GRID2: variants seen among roughly 807,000 people sequenced by gnomAD.
The protein encoded by GRID2 is glutamate ionotropic receptor delta type subunit 2, also known as glutamate receptor ionotropic, delta-2.
GRID2 carries 33 observed loss-of-function variants against 114.8 expected under a neutral mutation model. The observed-to-expected ratio is 0.29, with a 90% CI of 0.22 to 0.38. The LOEUF (loss-of-function observed/expected upper bound fraction) is 0.38, where lower values mean the gene tolerates loss of function less well. GRID2 is among the 10% of genes least tolerant of loss of function. GRID2 has a pLI of 1.00. For missense variants in GRID2, 1,184 were observed against 1,257.7 expected (o/e 0.94, Z 0.89); for synonymous variants, 505 against 449.9 (o/e 1.12, Z -1.55).
intron 7 of GRID2, among the ~76,000 whole-genome samples, chr4:93,234,448 G>A (rs1269893255): frequency 1.3e-5 from 2 of 152,108 alleles, no homozygotes; most frequent in African/African-American, 4.8e-5. Context: ...GGTCCCCTAA[G>A]ATGGAGACAG....
At chr4:93,805,245 C>T (rs989218350) in intron 1 of GRID2, among the ~76,000 whole-genome samples, 7 of 152,146 alleles carry the variant, frequency 4.6e-5, no homozygotes, top group South Asian at 2.1e-4. Flanking sequence ...ATGTTAGGGA[C>T]GTATTGATTT....
chr4:93,583,614 CA>C (rs1336353866), intron 13 of GRID2, among the ~76,000 whole-genome samples: 1 of 152,064 alleles, frequency 6.6e-6, no homozygotes. Flanking sequence ...AACTGAAGTT[CA>C]AAAAGGCTCA....
At chr4:92,518,570 T>G (rs1724618543) in intron 1 of GRID2, among the ~76,000 whole-genome samples, 1 of 151,790 alleles carries the variant, frequency 6.6e-6, no homozygotes, top group Non-Finnish European at 1.5e-5. Context: ...GGAGGATTAT[T>G]TAATGGGTAT....
chr4:93,357,499 AT>A (rs1761457334), intron 8 of GRID2, among the ~76,000 whole-genome samples: 1 of 151,396 alleles, frequency 6.6e-6, no homozygotes, highest in African/African-American at 2.4e-5. Context: ...TTATCAAACT[AT>A]TAATTTTCCT....
chr4:92,344,724 A>G (rs988313541), intron 1 of GRID2, among the ~76,000 whole-genome samples: 3 of 152,174 alleles, frequency 2.0e-5, no homozygotes, highest in Admixed American at 1.3e-4. Flanking sequence ...GTAATTCCAC[A>G]TAGTGTATTG....
intron 1 of GRID2, among the ~76,000 whole-genome samples, chr4:92,331,487 T>C (rs936618893): frequency 6.6e-6 from 1 of 152,130 alleles, no homozygotes; most frequent in African/African-American, 2.4e-5. Flanking sequence ...TTTCTTTTAT[T>C]GAGGGTAAGC....
At chr4:93,552,559 A>C (rs942517413) in intron 13 of GRID2, among the ~76,000 whole-genome samples, 2 of 152,064 alleles carry the variant, frequency 1.3e-5, no homozygotes, top group African/African-American at 4.8e-5. Flanking sequence ...CTGACTTTTT[A>C]GTGGTCGCCA....
chr4:93,652,517 C>G (rs781709929), intron 14 of GRID2, among the ~76,000 whole-genome samples: 8 of 152,044 alleles, frequency 5.3e-5, no homozygotes, highest in Non-Finnish European at 8.8e-5. Context: ...TAGTAACATG[C>G]AGTACAGGTT....
chr4:93,033,844 G>A (rs752459927), intron 2 of GRID2, among the ~76,000 whole-genome samples: 3 of 152,090 alleles, frequency 2.0e-5, no homozygotes, highest in Non-Finnish European at 4.4e-5. Flanking sequence ...ATCTCAAGCA[G>A]GTCATTTATT....
chr4:93,430,121 A>G (rs555458934), intron 10 of GRID2, among the ~76,000 whole-genome samples: 24 of 152,238 alleles, frequency 1.6e-4, no homozygotes. Context: ...TAGTTCATCA[A>G]TGCATTAACA....
intron 2 of GRID2, among the ~76,000 whole-genome samples, chr4:92,628,476 A>T (rs1730632655): frequency 6.6e-6 from 1 of 152,028 alleles, no homozygotes; most frequent in Non-Finnish European, 1.5e-5. Flanking sequence ...CTCCTGCCTC[A>T]GCCTCCCGAG....
intron 8 of GRID2, among the ~76,000 whole-genome samples, chr4:93,366,699 A>G (rs1762369934): frequency 6.6e-6 from 1 of 152,018 alleles, no homozygotes; most frequent in Non-Finnish European, 1.5e-5. Flanking sequence ...GTGGGGCATC[A>G]TAGAACCTAC....
chr4:92,469,435 C>T (rs1035636602), intron 1 of GRID2, among the ~76,000 whole-genome samples: 6 of 152,068 alleles, frequency 3.9e-5, no homozygotes, highest in Non-Finnish European at 5.9e-5. Flanking sequence ...ATAACCTACG[C>T]ACATCTTCCA....
intron 14 of GRID2, among the ~76,000 whole-genome samples, chr4:93,660,978 A>C (rs1054933217): frequency 6.6e-6 from 1 of 152,178 alleles, no homozygotes; most frequent in Non-Finnish European, 1.5e-5. Context: ...AAAAAAAGCA[A>C]AAAACTGACC....
chr4:92,891,531 A>G (rs1307067608), intron 2 of GRID2, among the ~76,000 whole-genome samples: 2 of 152,178 alleles, frequency 1.3e-5, no homozygotes, highest in Admixed American at 1.3e-4. Flanking sequence ...CCTTTTCACT[A>G]GTCATCAGGT....
At chr4:92,441,107 G>C (rs878880347) in intron 1 of GRID2, among the ~76,000 whole-genome samples, 1 of 152,264 alleles carries the variant, frequency 6.6e-6, no homozygotes, top group South Asian at 2.1e-4. Flanking sequence ...GGACAGAAAG[G>C]CTACAGGGTG....
At position 93,656,805 on chromosome 4, in the gene GRID2, G is replaced by A. The variant is rs185402954; in HGVS notation, c.2360+30370G>A. Reference sequence around the variant, plus strand: ...AGATTGCGCCACTGCACTTCAGCCTGGGTGACAGAGCGAGACTCTGCCTCA... The same window carrying A: ...AGATTGCGCCACTGCACTTCAGCCTAGGTGACAGAGCGAGACTCTGCCTCA... On this transcript the variant is annotated intron_variant, in intron 14 of 15. Transcript: ENST00000282020. 4.0e-3 allele frequency among the ~76,000 whole-genome samples: 462 copies of A among 115,192 alleles called. 20 individuals carry two copies. The highest frequency in any genetic ancestry group is 0.018 in the Middle Eastern group (3 of 166). The allele number at this position is 115,192 out of a possible 152,430, so 75.6% of individuals were successfully genotyped here.
intron 12 of GRID2, among the ~76,000 whole-genome samples, chr4:93,502,587 C>A (rs1203791607): frequency 6.6e-6 from 1 of 151,818 alleles, no homozygotes. Flanking sequence ...TGGTATGCTG[C>A]CCTCCACACT....
At chr4:93,003,867 C>G (rs552596484) in intron 2 of GRID2, among the ~76,000 whole-genome samples, 2 of 151,974 alleles carry the variant, frequency 1.3e-5, no homozygotes, top group East Asian at 3.9e-4. Context: ...CATTAAACAT[C>G]CACAGGACTT....
Sources: allele counts gnomAD v4.1 joint callset (sites outside exome capture counted in the v4.1 genomes callset), GRCh38; gene constraint gnomAD v4.1.1; transcripts MANE v1.5; gene names NCBI Gene and HGNC (gene_info 2026-07-23, HGNC 2026-07-21).